Variants in HDAC9 observed in about 807,000 individuals in gnomAD.
The protein encoded by HDAC9 is histone deacetylase 9, also known as MEF-2 interacting transcription repressor (MITR) protein.
In HDAC9, 41 loss-of-function variants were observed where a neutral mutation model predicts 139.4. That is an observed-to-expected ratio of 0.29 (90% CI 0.23 to 0.38). HDAC9 has a LOEUF of 0.38. Among genes scored for constraint, HDAC9 ranks in the 10% least tolerant of loss-of-function variants. The pLI, the probability that HDAC9 is intolerant of heterozygous loss-of-function variation, is 1.00. For synonymous variants in HDAC9, 517 were observed against 476.2 expected (o/e 1.09, Z -1.12); for missense variants, 1,147 against 1,297.0 (o/e 0.88, Z 1.78).
intron 6 of HDAC9, among the ~76,000 whole-genome samples, chr7:18,607,318 G>C (rs1353397357): frequency 6.6e-6 from 1 of 152,182 alleles, no homozygotes; most frequent in Non-Finnish European, 1.5e-5. Context: ...GAAAGACAAA[G>C]CATGGAAAAT....
At chr7:18,283,847 C>T (rs928919239) in intron 2 of HDAC9, among the ~76,000 whole-genome samples, 1 of 152,140 alleles carries the variant, frequency 6.6e-6, no homozygotes, top group African/African-American at 2.4e-5. Context: ...AATCAACCAC[C>T]TAATACTTTG....
intron 2 of HDAC9, among the ~76,000 whole-genome samples, chr7:18,203,361 A>G (rs1156678408): frequency 6.6e-6 from 1 of 152,152 alleles, no homozygotes; most frequent in African/African-American, 2.4e-5. Flanking sequence ...TTGATTTTTA[A>G]ATTATTTTGT....
chr7:18,518,003 G>T (rs1803800353), intron 2 of HDAC9: 1 of 152,110 alleles, frequency 6.6e-6, no homozygotes, highest in Admixed American at 6.5e-5. Flanking sequence ...CAGTTATACA[G>T]TGTTCACACA....
chr7:18,651,505 CTT>C (rs1417635636), intron 11 of HDAC9, among the ~76,000 whole-genome samples: 8 of 151,960 alleles, frequency 5.3e-5, no homozygotes, highest in African/African-American at 1.9e-4. Flanking sequence ...ATATGATGGG[CTT>C]CCTGGTATAA....
At chr7:18,294,008 G>A (rs912225000) in intron 1 of HDAC9, among the ~76,000 whole-genome samples, 9 of 152,022 alleles carry the variant, frequency 5.9e-5, no homozygotes, top group South Asian at 2.1e-4. Context: ...AATAGATAAA[G>A]CATTGTTTTC....
intron 23 of HDAC9, among the ~76,000 whole-genome samples, chr7:18,950,219 A>G (rs1782697280): frequency 6.6e-6 from 1 of 152,028 alleles, no homozygotes; most frequent in Admixed American, 6.6e-5. Flanking sequence ...AATTATTGGC[A>G]TGGCCATTCT....
At chr7:18,463,996 T>C (rs928336078) in intron 1 of HDAC9, among the ~76,000 whole-genome samples, 13 of 151,988 alleles carry the variant, frequency 8.6e-5, no homozygotes, top group African/African-American at 2.9e-4. Flanking sequence ...GTACTTGAAG[T>C]CATGTGATTA....
chr7:18,455,462 T>G (rs1311852766), intron 1 of HDAC9, among the ~76,000 whole-genome samples: 1 of 152,204 alleles, frequency 6.6e-6, no homozygotes, highest in Non-Finnish European at 1.5e-5. Flanking sequence ...GAAAAAGAAT[T>G]TTGTTACTGG....
At chr7:18,191,174 T>A (rs116354131) in intron 2 of HDAC9, among the ~76,000 whole-genome samples, 4 of 152,212 alleles carry the variant, frequency 2.6e-5, no homozygotes, top group African/African-American at 9.7e-5. Flanking sequence ...CACATTATTT[T>A]ATGTTGTATG....
At chr7:18,176,624 T>A (rs1161672966) in intron 2 of HDAC9, among the ~76,000 whole-genome samples, 3 of 152,238 alleles carry the variant, frequency 2.0e-5, no homozygotes, top group Non-Finnish European at 4.4e-5. Flanking sequence ...AGTATACAGC[T>A]ATGAAAATTC....
chr7:18,624,369 G>A (rs1295975185), intron 6 of HDAC9, among the ~76,000 whole-genome samples: 1 of 152,086 alleles, frequency 6.6e-6, no homozygotes, highest in Non-Finnish European at 1.5e-5. Flanking sequence ...GGTCTGTTCT[G>A]TTTTACTATT....
chr7:18,494,735 G>A (rs1469134252), upstream of HDAC9, among the ~76,000 whole-genome samples: 2 of 152,054 alleles, frequency 1.3e-5, no homozygotes, highest in African/African-American at 2.4e-5. Flanking sequence ...AAGTTAGGAG[G>A]TCCATATTTC....
chr7:18,718,650 G>A (rs1041821260), intron 12 of HDAC9, among the ~76,000 whole-genome samples: 19 of 152,086 alleles, frequency 1.2e-4, no homozygotes, highest in Admixed American at 5.2e-4. Context: ...TGGATAAAGC[G>A]TAATTTTTTT....
intron 21 of HDAC9, among the ~76,000 whole-genome samples, chr7:18,856,563 C>A (rs75273105): frequency 0.013 from 2,009 of 152,144 alleles, 12 homozygotes; most frequent in Non-Finnish European, 0.022. Context: ...AAGAAGCCTA[C>A]AAATGCATTA....
At position 18,496,322 on chromosome 7, in the gene HDAC9, C is replaced by T. The variant is rs1315680421; in HGVS notation, c.20C>T (p.Ser7Leu). The T allele has an allele frequency of 6.2e-7, 1 of 1,612,542 alleles. No homozygotes were observed. The highest frequency in any genetic ancestry group is 8.5e-7 in the Non-Finnish European group (1 of 1,179,074). Residue 7 changes from serine (S) to leucine (L), a missense_variant and splice_region_variant, in exon 2 of 26, where the codon TCA (serine) becomes TTA (leucine). By Grantham distance (145) the Ser-to-Leu change is moderately radical. This residue lies in a region of HDAC9 where 136 missense variants were observed against 183.5 expected (regional missense o/e 0.74). Coordinates refer to ENST00000686413, the MANE Select transcript of HDAC9 (RefSeq NM_178425.4). MHSMIS[S>L]VDVKSEVPVG... ...CAAAGAATGCACAGTATGATCAGCT[C>T]AGGTAAGATCCTCTTTCATAACTGA...
chr7:18,996,334 G>C lies in HDAC9; in HGVS notation c.*272G>C. ...GCTTCCAGCATGCTTTTAATATGCT[G>C]GGTGACCCACTCCTAGACACCAAGT... is the stretch of plus-strand genomic sequence containing the variant. On this transcript the variant is annotated 3_prime_UTR_variant, in exon 26 of 26. Coordinates refer to ENST00000686413, the MANE Select transcript of HDAC9 (RefSeq NM_178425.4). 1 of 361,082 alleles carries C rather than the reference G, an allele frequency of 2.8e-6. No individual in the cohort carries two copies. Among genetic ancestry groups the C allele is most frequent in the African/African-American group, 2.1e-5 (1 of 48,156 alleles). 22.4% of individuals were successfully genotyped at this position (361,082 alleles called of 1,614,324 possible).
chr7:18,816,071 A>G (rs1188294269), intron 17 of HDAC9, among the ~76,000 whole-genome samples: 2 of 152,250 alleles, frequency 1.3e-5, no homozygotes, highest in Non-Finnish European at 2.9e-5. Flanking sequence ...TACAAAGGCA[A>G]TACAAATAAC....
intron 6 of HDAC9, among the ~76,000 whole-genome samples, chr7:18,599,709 G>T (rs1833429328): frequency 1.3e-5 from 2 of 152,204 alleles, no homozygotes; most frequent in Middle Eastern, 3.4e-3. Context: ...CATTTTTGTT[G>T]CTTCCAAATT....
chr7:18,868,223 G>A (rs927125304), intron 21 of HDAC9, among the ~76,000 whole-genome samples: 2 of 152,046 alleles, frequency 1.3e-5, no homozygotes, highest in Non-Finnish European at 2.9e-5. Flanking sequence ...TGTATAAATG[G>A]GTCAATTGAG....
Sources: gnomAD v4.1 joint callset for allele counts (sites outside exome capture counted in the v4.1 genomes callset) on GRCh38, gnomAD v4.1.1 for gene constraint, gnomAD v4.1.1 regional missense constraint, MANE v1.5 for transcripts, NCBI Gene and HGNC (gene_info 2026-07-23, HGNC 2026-07-21) for gene names.